Variants in XPO7 observed in about 807,000 individuals in gnomAD.
XPO7 encodes the protein exportin 7.
Under a neutral mutation model 144.3 loss-of-function variants are expected in XPO7, and 21 were observed. The ratio of observed to expected loss-of-function variants is 0.15; its 90% CI spans 0.10 to 0.21. The LOEUF (loss-of-function observed/expected upper bound fraction) is 0.21. Among genes scored for constraint, XPO7 ranks in the 10% least tolerant of loss-of-function variants. The pLI is 1.00. For missense variants in XPO7, 808 were observed against 1,325.8 expected (o/e 0.61, Z 6.06); for synonymous variants, 580 against 499.6 (o/e 1.16, Z -2.15).
chr8:21,974,724 G>T lies in XPO7; in HGVS notation c.547G>T (p.Asp183Tyr). The T allele has an allele frequency of 6.3e-7, 1 of 1,591,036 alleles. No individual in the cohort carries two copies. ...KHRKIASSFR[D>Y]SSLFDIFTLS... ...CAGAAAAATAGCCTCTTCTTTTCGC[G>T]ATTCATCATTATTTGATATCTTCAC... Residue 183 changes from aspartate to tyrosine, a missense_variant, in exon 6 of 28, where the codon GAT (aspartate) becomes TAT (tyrosine). By Grantham distance (160) the Asp-to-Tyr change is radical. This residue lies in a region of XPO7 where 223 missense variants were observed against 368.8 expected (regional missense o/e 0.60). Transcript: ENST00000252512.
chr8:21,979,320 C>G (rs965530307), intron 8 of XPO7, among the ~76,000 whole-genome samples: 1 of 151,854 alleles, frequency 6.6e-6, no homozygotes, highest in African/African-American at 2.4e-5. Context: ...GCTGGGATTA[C>G]GGGCGTGAGC....
At chr8:21,934,818 C>T (rs1205839945) in intron 1 of XPO7, among the ~76,000 whole-genome samples, 1 of 152,148 alleles carries the variant, frequency 6.6e-6, no homozygotes, top group African/African-American at 2.4e-5. Flanking sequence ...TATTAAAATG[C>T]TAATTCCATA....
chr8:21,996,612 TAGAG>T (rs1220694214), intron 21 of XPO7, among the ~76,000 whole-genome samples: 2 of 152,138 alleles, frequency 1.3e-5, no homozygotes, highest in Non-Finnish European at 2.9e-5. Context: ...AGGTATTTAT[TAGAG>T]AGGTTGTGGC....
intron 1 of XPO7, among the ~76,000 whole-genome samples, chr8:21,940,224 A>G (rs1467956061): frequency 6.6e-6 from 1 of 152,250 alleles, no homozygotes; most frequent in Non-Finnish European, 1.5e-5. Flanking sequence ...ATACCAATTC[A>G]TTATCTTGAA....
chr8:21,961,809 C>A (rs1280186132), intron 1 of XPO7, among the ~76,000 whole-genome samples: 1 of 152,062 alleles, frequency 6.6e-6, no homozygotes, highest in Non-Finnish European at 1.5e-5. Flanking sequence ...ACTACAGGCA[C>A]ACGCCACCAC....
intron 5 of XPO7, among the ~76,000 whole-genome samples, chr8:21,974,229 G>A (rs546827122): frequency 7.4e-6 from 1 of 135,262 alleles, no homozygotes; most frequent in South Asian, 2.2e-4. Context: ...TTTTAGAGGT[G>A]GTGGGGGGTC....
intron 19 of XPO7, among the ~76,000 whole-genome samples, chr8:21,993,304 C>T (rs1812829423): frequency 6.6e-6 from 1 of 152,170 alleles, no homozygotes; most frequent in Non-Finnish European, 1.5e-5. Flanking sequence ...ACTTCTTTGT[C>T]ATGTCCCATG....
At chr8:21,954,687 A>G (rs1811479412) in intron 1 of XPO7, among the ~76,000 whole-genome samples, 2 of 152,340 alleles carry the variant, frequency 1.3e-5, no homozygotes, top group South Asian at 2.1e-4. Context: ...CACCGGCCCA[A>G]CAGTGTCCCT....
intron 1 of XPO7, among the ~76,000 whole-genome samples, chr8:21,960,388 G>T (rs1172527222): frequency 1.3e-5 from 2 of 152,210 alleles, no homozygotes; most frequent in Non-Finnish European, 2.9e-5. Flanking sequence ...ATCCAAGCCA[G>T]TTTCTGGTGA....
At chr8:21,980,290 G>T in intron 9 of XPO7, 87 bp downstream of exon 9, 1 of 1,441,160 alleles carries the variant, frequency 6.9e-7, no homozygotes. Context: ...CCAAGGCCCA[G>T]TAAACAATTC....
chr8:21,933,743 A>C (rs1465615844), intron 1 of XPO7, among the ~76,000 whole-genome samples: 1 of 152,216 alleles, frequency 6.6e-6, no homozygotes, highest in Non-Finnish European at 1.5e-5. Flanking sequence ...TGAATGCAGA[A>C]ATTTTACTGT....
At chr8:21,994,941 A>G (rs924200597) in intron 20 of XPO7, among the ~76,000 whole-genome samples, 1 of 151,974 alleles carries the variant, frequency 6.6e-6, no homozygotes, top group Non-Finnish European at 1.5e-5. Context: ...GTAGTCCCAG[A>G]TACTTGGGAG....
Position 21,958,339 on chromosome 8 carries a change from G to A in XPO7, c.19-8518G>A, listed in dbSNP as rs1338412190. ...GCCAGCTGCTAGTCACCACATTTGCGTCAAACAAGCAATATGTAACCATGT... is the reference window on the plus strand; with the variant it reads ...GCCAGCTGCTAGTCACCACATTTGCATCAAACAAGCAATATGTAACCATGT... On this transcript the variant is annotated intron_variant, in intron 1 of 27. Transcript: ENST00000252512. Among the ~76,000 whole-genome samples, 7 of 151,894 alleles carry A rather than the reference G, an allele frequency of 4.6e-5. No homozygotes were observed. In the South Asian group the frequency reaches 6.2e-4, roughly 13 times the overall value.
At chr8:21,950,084 A>G (rs955769728) in intron 1 of XPO7, among the ~76,000 whole-genome samples, 3 of 152,154 alleles carry the variant, frequency 2.0e-5, no homozygotes, top group African/African-American at 7.2e-5. Context: ...GCTCTCAGGT[A>G]TTGTTCAGTT....
At chr8:21,965,662 G>A (rs58725593) in intron 1 of XPO7, among the ~76,000 whole-genome samples, 1 of 152,052 alleles carries the variant, frequency 6.6e-6, no homozygotes, top group African/African-American at 2.4e-5. Flanking sequence ...TTCAGTTAGT[G>A]TTGGAAATTT....
Position 21,999,227 on chromosome 8 carries a change from C to A in XPO7, c.2565C>A (p.Leu855=). ...ACGTCAATTTCGGAGTCTTTCGTCT[C>A]TATGGAGACGATGCCCTGGACAATG... ...GSYVNFGVFR[L]YGDDALDNAL... Residue 855 remains leucine (L), a synonymous_variant, in exon 23 of 28, where the codon CTC becomes CTA. Coordinates refer to ENST00000252512, the MANE Select transcript of XPO7 (RefSeq NM_015024.5). The A allele has an allele frequency of 6.2e-7, 1 of 1,613,950 alleles. No homozygotes were observed. The highest frequency in any genetic ancestry group is 8.5e-7 in the Non-Finnish European group (1 of 1,179,890).
At chr8:21,987,730 G>A in intron 14 of XPO7, 54 bp from the exon 15 acceptor site, 1 of 1,593,034 alleles carries the variant, frequency 6.3e-7, no homozygotes. Context: ...AATAGTACCA[G>A]GATGTGATTG....
intron 18 of XPO7, 135 bp downstream of exon 18, chr8:21,991,054 C>G: frequency 1.3e-6 from 1 of 761,294 alleles, no homozygotes. Context: ...AAATAACAGC[C>G]TGATTTCACC....
At chr8:21,942,499 A>T (rs1035184793) in intron 1 of XPO7, among the ~76,000 whole-genome samples, 8 of 152,234 alleles carry the variant, frequency 5.3e-5, no homozygotes, top group African/African-American at 1.9e-4. Context: ...ATTGGAGTAC[A>T]GCTGGATTCT....
Sources: allele counts gnomAD v4.1 joint callset (sites outside exome capture counted in the v4.1 genomes callset), GRCh38; gene constraint gnomAD v4.1.1; regional missense constraint gnomAD v4.1.1; transcripts MANE v1.5; gene names NCBI Gene and HGNC (gene_info 2026-07-23, HGNC 2026-07-21).